The following CMSS1 variants were observed in gnomAD, a reference collection of about 807,000 sequenced individuals.
CMSS1 encodes protein CMSS1.
Under a neutral mutation model 43.5 loss-of-function variants are expected in CMSS1, and 33 were observed. The observed-to-expected ratio is 0.76, with a 90% CI of 0.57 to 1.01. The LOEUF (loss-of-function observed/expected upper bound fraction) is 1.01, where lower values mean the gene tolerates loss of function less well. Ranked by LOEUF, CMSS1 falls within the 50% of genes least tolerant of loss-of-function variation. The pLI, the probability that CMSS1 is intolerant of heterozygous loss-of-function variation, is 0.00. For missense variants in CMSS1, 313 were observed against 326.4 expected (o/e 0.96, Z 0.32); for synonymous variants, 115 against 117.2 (o/e 0.98, Z 0.12).
chr3:99,822,518 G>T (rs753954630), intron 1 of CMSS1, among the ~76,000 whole-genome samples: 2 of 152,196 alleles, frequency 1.3e-5, no homozygotes, highest in Non-Finnish European at 2.9e-5. Flanking sequence ...ATCACCTGAG[G>T]TCAGGAGTTT....
chr3:99,930,064 G>C (rs1433661453), intron 1 of CMSS1: 2 of 1,554,666 alleles, frequency 1.3e-6, no homozygotes, highest in Non-Finnish European at 8.7e-7. Flanking sequence ...AAAGCCTGCT[G>C]TCTCTACCAG....
chr3:99,945,077 A>G (rs1323086463), intron 1 of CMSS1, among the ~76,000 whole-genome samples: 1 of 152,140 alleles, frequency 6.6e-6, no homozygotes, highest in Non-Finnish European at 1.5e-5. Context: ...AAAAAGCATC[A>G]AGGAAAATAC....
chr3:99,822,902 A>G (rs189983829), intron 1 of CMSS1, among the ~76,000 whole-genome samples: 44 of 152,320 alleles, frequency 2.9e-4, no homozygotes, highest in African/African-American at 1.1e-3. Context: ...CTGATGAGGA[A>G]GTTGAGACAC....
intron 1 of CMSS1, among the ~76,000 whole-genome samples, chr3:100,140,312 C>G (rs1451609656): frequency 1.3e-5 from 2 of 152,044 alleles, no homozygotes; most frequent in African/African-American, 4.8e-5. Context: ...GGTAAGAGGT[C>G]TCTTTGATGC....
chr3:100,156,666 C>T (rs1283016484), intron 2 of CMSS1, among the ~76,000 whole-genome samples: 4 of 150,356 alleles, frequency 2.7e-5, no homozygotes, highest in African/African-American at 2.5e-5. Context: ...CCCGGGCTGG[C>T]GTGCAGTGGC....
chr3:99,849,939 A>G (rs776095371), intron 1 of CMSS1: 1 of 1,612,726 alleles, frequency 6.2e-7, no homozygotes, highest in Non-Finnish European at 8.5e-7. Flanking sequence ...ACAGGAGATC[A>G]TTTCCTTTCT....
At chr3:100,169,295 A>G (rs893335766) in intron 6 of CMSS1, among the ~76,000 whole-genome samples, 2 of 152,244 alleles carry the variant, frequency 1.3e-5, no homozygotes, top group African/African-American at 4.8e-5. Flanking sequence ...AGAATAAACA[A>G]AAAGGCTTCC....
At chr3:99,931,436 G>T (rs1320279102) in intron 1 of CMSS1, among the ~76,000 whole-genome samples, 3 of 152,126 alleles carry the variant, frequency 2.0e-5, no homozygotes, top group Non-Finnish European at 4.4e-5. Context: ...ACTTTCTTCA[G>T]ATTTACTTTA....
intron 4 of CMSS1, among the ~76,000 whole-genome samples, chr3:100,162,638 T>G (rs2067034196): frequency 6.6e-6 from 1 of 152,066 alleles, no homozygotes; most frequent in Non-Finnish European, 1.5e-5. Flanking sequence ...TGAGACCTCA[T>G]CGCTATTAAA....
intron 1 of CMSS1, among the ~76,000 whole-genome samples, chr3:100,014,897 T>TTTTTTTTTTTTTTTTTTTTTTTTTC (rs1710290491): frequency 9.9e-6 from 1 of 101,060 alleles, no homozygotes; most frequent in Non-Finnish European, 2.2e-5. Context: ...CTTTCTTTCT[T>TTTTTTTTTTTTTTTTTTTTTTTTTC]TTTTTTTTTT....
intron 6 of CMSS1, among the ~76,000 whole-genome samples, chr3:100,169,500 AT>A (rs1046663055): frequency 7.9e-5 from 12 of 152,240 alleles, no homozygotes; most frequent in African/African-American, 2.9e-4. Flanking sequence ...TTCAATAGTT[AT>A]TTACATCTGT....
chr3:100,042,968 A>G (rs1182558101), intron 1 of CMSS1, among the ~76,000 whole-genome samples: 1 of 152,246 alleles, frequency 6.6e-6, no homozygotes, highest in Admixed American at 6.5e-5. Context: ...TGTGGAAGAA[A>G]ATGACTGCAT....
rs34266466 is a variant in CMSS1 at position 99,828,614 on chromosome 3, CT to C, written c.64+10587del. ...TACAGGTGTGCACCACCACACCTGG[CT>C]TTTTTTTTTTTTTTTCTTTTCGGAG... On this transcript the variant is annotated intron_variant, in intron 1 of 9. Transcript: ENST00000421999. Among the ~76,000 whole-genome samples the C allele has an allele frequency of 8.0e-3, 1,065 of 132,972 alleles. 4 individuals carry two copies. Among genetic ancestry groups the C allele is most frequent in the African/African-American group, 0.019 (691 of 36,252 alleles). 87.2% of individuals were successfully genotyped at this position (132,972 alleles called of 152,430 possible).
intron 2 of CMSS1, among the ~76,000 whole-genome samples, chr3:100,153,062 A>C (rs1576109749): frequency 6.6e-6 from 1 of 152,356 alleles, no homozygotes; most frequent in East Asian, 1.9e-4. Context: ...GTTAATATAC[A>C]ATAAATGTAC....
intron 1 of CMSS1, among the ~76,000 whole-genome samples, chr3:99,821,669 T>G (rs1942441979): frequency 6.6e-6 from 1 of 152,198 alleles, no homozygotes; most frequent in African/African-American, 2.4e-5. Context: ...AGTTGACCGG[T>G]CTGGGTACTT....
intron 1 of CMSS1, chr3:100,075,566 T>C (rs2065836842): frequency 7.1e-6 from 1 of 141,744 alleles, no homozygotes; most frequent in East Asian, 2.0e-4. Context: ...TTTCTTTTTC[T>C]TTTTTTTTTT....
intron 1 of CMSS1, among the ~76,000 whole-genome samples, chr3:100,018,361 A>C (rs1429656812): frequency 1.3e-5 from 2 of 152,080 alleles, no homozygotes; most frequent in Non-Finnish European, 2.9e-5. Context: ...TGAAGCAAGC[A>C]GGATTAAAGT....
At chr3:100,140,827 G>C (rs780588907) in intron 1 of CMSS1, among the ~76,000 whole-genome samples, 13 of 151,766 alleles carry the variant, frequency 8.6e-5, no homozygotes, top group African/African-American at 2.9e-4. Context: ...TTTTTAATTG[G>C]ATATGAAAGA....
chr3:100,111,566 A>C (rs537668838), intron 1 of CMSS1, among the ~76,000 whole-genome samples: 1 of 152,300 alleles, frequency 6.6e-6, no homozygotes, highest in Admixed American at 6.5e-5. Context: ...AAGTCTCCTC[A>C]ACCAAGATGA....
Sources: allele counts gnomAD v4.1 joint callset (sites outside exome capture counted in the v4.1 genomes callset), GRCh38; gene constraint gnomAD v4.1.1; transcripts MANE v1.5; gene names NCBI Gene and HGNC (gene_info 2026-07-23, HGNC 2026-07-21).